The following UNC5D variants were observed in gnomAD, a reference collection of about 807,000 sequenced individuals.
The protein encoded by UNC5D is unc-5 netrin receptor D.
UNC5D carries 39 observed loss-of-function variants against 105.4 expected under a neutral mutation model. The ratio of observed to expected loss-of-function variants is 0.37; its 90% CI spans 0.29 to 0.48. The LOEUF (loss-of-function observed/expected upper bound fraction) is 0.48, where lower values mean the gene tolerates loss of function less well. Ranked by LOEUF, UNC5D falls within the 20% of genes least tolerant of loss-of-function variation. UNC5D has a pLI of 0.98. For synonymous variants in UNC5D, 452 were observed against 450.4 expected, an observed-to-expected ratio of 1.00 and a Z score of -0.04; for missense variants, 991 against 1,202.4, an observed-to-expected ratio of 0.82 and a Z score of 2.60.
At chr8:35,611,743 A>G (rs1289060863) in intron 4 of UNC5D, among the ~76,000 whole-genome samples, 1 of 152,220 alleles carries the variant, frequency 6.6e-6, no homozygotes, top group South Asian at 2.1e-4. Context: ...TAGCAACTTT[A>G]ATGTTTGACC....
intron 1 of UNC5D, among the ~76,000 whole-genome samples, chr8:35,468,986 GAGAAAATAAAT>G (rs1809512510): frequency 6.6e-6 from 1 of 152,148 alleles, no homozygotes; most frequent in African/African-American, 2.4e-5. Context: ...CCTCTGCAGA[GAGAAAATAAAT>G]ATTCGTGCCA....
intron 1 of UNC5D, among the ~76,000 whole-genome samples, chr8:35,455,643 C>A (rs1008074448): frequency 3.3e-5 from 5 of 151,044 alleles, no homozygotes; most frequent in African/African-American, 1.2e-4. Flanking sequence ...CTGATAAAAA[C>A]ATACCTGAGA....
chr8:35,248,681 T>A (rs1164189834), intron 1 of UNC5D, among the ~76,000 whole-genome samples: 3 of 97,306 alleles, frequency 3.1e-5, no homozygotes, highest in Non-Finnish European at 5.2e-5. Context: ...TTATATATAA[T>A]ATATATAAAA....
rs142055761 is a variant in UNC5D at position 35,756,039 on chromosome 8, A to C, written c.2164-3281A>C. Among the ~76,000 whole-genome samples, 28 of 152,234 alleles carry C rather than the reference A, an allele frequency of 1.8e-4. No homozygotes were observed. The East Asian group carries it at 5.4e-3, about 29-fold the overall frequency. ...GGGAACTATGTGTTAAGTGCAATCC[A>C]CTGTATTTGGAGAGTATTTTAAAGC... is the stretch of plus-strand genomic sequence containing the variant. On this transcript the variant is annotated intron_variant, in intron 13 of 16. Transcript: ENST00000404895.
rs1029293159 is a variant in UNC5D, at chr8:35,700,513, G to C, written c.1085-5416G>C. On this transcript the variant is annotated intron_variant, in intron 7 of 16. Transcript: ENST00000404895. ...CTATAAGTTAGTTAGACAAACTGTC[G>C]AGAGAGAGAAGCAATCCCTGCAAAT... 2.0e-5 allele frequency among the ~76,000 whole-genome samples: 3 copies of C among 152,024 alleles called. 1 individual carries two copies. The South Asian group carries it at 6.2e-4, about 31-fold the overall frequency.
chr8:35,409,833 T>A (rs2128956892), intron 1 of UNC5D, among the ~76,000 whole-genome samples: 1 of 152,164 alleles, frequency 6.6e-6, no homozygotes, highest in Non-Finnish European at 1.5e-5. Context: ...TTCCTCCTAT[T>A]TTTAAAGAAA....
At chr8:35,761,447 C>G (rs1014443872) in intron 14 of UNC5D, among the ~76,000 whole-genome samples, 1 of 152,172 alleles carries the variant, frequency 6.6e-6, no homozygotes, top group African/African-American at 2.4e-5. Context: ...TAAGTGTTTA[C>G]TGACCTCAGA....
At chr8:35,472,162 G>A (rs920421512) in intron 1 of UNC5D, among the ~76,000 whole-genome samples, 15 of 152,168 alleles carry the variant, frequency 9.9e-5, no homozygotes, top group Non-Finnish European at 2.1e-4. Context: ...ATTTAGAAAA[G>A]GAGATCTCAT....
intron 16 of UNC5D, 108 bp from the exon 17 acceptor site, chr8:35,790,251 A>G: frequency 4.1e-6 from 5 of 1,218,284 alleles, no homozygotes; most frequent in South Asian, 1.4e-5. Flanking sequence ...TATCCCTACT[A>G]TAATAACATC....
chr8:35,772,414 C>T (rs1407688142), intron 15 of UNC5D, among the ~76,000 whole-genome samples: 1 of 152,092 alleles, frequency 6.6e-6, no homozygotes, highest in African/African-American at 2.4e-5. Flanking sequence ...TTCAACCTAC[C>T]AAGCCTGATA....
At chr8:35,505,749 AC>A (rs1368414133) in intron 1 of UNC5D, among the ~76,000 whole-genome samples, 1 of 152,092 alleles carries the variant, frequency 6.6e-6, no homozygotes, top group Non-Finnish European at 1.5e-5. Context: ...TTATTTTTAA[AC>A]CGAAGCCTAT....
chr8:35,337,232 A>G (rs1343058755), intron 1 of UNC5D, among the ~76,000 whole-genome samples: 1 of 152,126 alleles, frequency 6.6e-6, no homozygotes, highest in African/African-American at 2.4e-5. Flanking sequence ...CCTCCTTCCC[A>G]ATATCACTCC....
rs192298235 is a variant in UNC5D, at chr8:35,377,229, G to T, written c.103+141342G>T. 4.3e-4 allele frequency among the ~76,000 whole-genome samples: 66 copies of T among 152,310 alleles called. 1 individual carries two copies. In the South Asian group the frequency reaches 0.014, roughly 32 times the overall value. On this transcript the variant is annotated intron_variant, in intron 1 of 16. Transcript: ENST00000404895. ...GGGACACTCCAATCTGAGCTGGGAT[G>T]CAGTGGTCCTTTCACCTGTGTAACA...
At chr8:35,774,865 T>C (rs896479662) in intron 16 of UNC5D, among the ~76,000 whole-genome samples, 13 of 144,088 alleles carry the variant, frequency 9.0e-5, no homozygotes, top group Admixed American at 2.8e-4. Context: ...AGGTCAAGGC[T>C]GCAGTGAGCC....
At chr8:35,671,096 C>A (rs1378372818) in intron 4 of UNC5D, among the ~76,000 whole-genome samples, 3 of 152,054 alleles carry the variant, frequency 2.0e-5, no homozygotes, top group Non-Finnish European at 2.9e-5. Context: ...CTTTTCCTTG[C>A]CCCACCTCCA....
At chr8:35,408,833 C>A (rs1336918910) in intron 1 of UNC5D, among the ~76,000 whole-genome samples, 2 of 151,654 alleles carry the variant, frequency 1.3e-5, no homozygotes, top group African/African-American at 4.8e-5. Flanking sequence ...AACAGTAAAG[C>A]ATATAGCTCT....
chr8:35,338,815 A>G (rs997199123), intron 1 of UNC5D, among the ~76,000 whole-genome samples: 1 of 152,010 alleles, frequency 6.6e-6, no homozygotes, highest in African/African-American at 2.4e-5. Context: ...TGTTAAATGC[A>G]CCCTGACCGA....
At chr8:35,555,107 G>A (rs1396457506) in intron 2 of UNC5D, among the ~76,000 whole-genome samples, 3 of 152,184 alleles carry the variant, frequency 2.0e-5, no homozygotes, top group African/African-American at 4.8e-5. Flanking sequence ...GTACATTTGG[G>A]AAGCATATAT....
intron 1 of UNC5D, among the ~76,000 whole-genome samples, chr8:35,536,725 C>T (rs1206578394): frequency 2.6e-5 from 4 of 152,106 alleles, no homozygotes; most frequent in South Asian, 2.1e-4. Flanking sequence ...TGGCTGGGCA[C>T]GGTGGCTCCT....
Sources: gnomAD v4.1 joint callset for allele counts (sites outside exome capture counted in the v4.1 genomes callset) on GRCh38, gnomAD v4.1.1 for gene constraint, MANE v1.5 for transcripts, NCBI Gene and HGNC (gene_info 2026-07-23, HGNC 2026-07-21) for gene names.